Variants in PPP2CB observed in about 807,000 individuals in gnomAD.
PPP2CB encodes the protein serine/threonine-protein phosphatase 2A catalytic subunit beta isoform.
In PPP2CB, 18 loss-of-function variants were observed where a neutral mutation model predicts 39.1. The observed-to-expected ratio is 0.46, with a 90% CI of 0.32 to 0.68. The LOEUF (loss-of-function observed/expected upper bound fraction) is 0.68. Among genes scored for constraint, PPP2CB ranks in the 30% least tolerant of loss-of-function variants. The pLI is 0.04. For synonymous variants in PPP2CB, 129 were observed against 133.8 expected, an observed-to-expected ratio of 0.96 and a Z score of 0.25; for missense variants, 226 against 396.9, an observed-to-expected ratio of 0.57 and a Z score of 3.66.
At chr8:30,811,224 T>C in intron 1 of PPP2CB, among the ~76,000 whole-genome samples, 1 of 152,304 alleles carries the variant, frequency 6.6e-6, no homozygotes, top group African/African-American at 2.4e-5. Context: ...TATTATTCTT[T>C]GGAAAAAAAC....
intron 5 of PPP2CB, 23 bp downstream of exon 5, chr8:30,793,894 C>A: frequency 6.3e-7 from 1 of 1,592,844 alleles, no homozygotes; most frequent in Non-Finnish European, 8.5e-7. Context: ...AAATAAAGAT[C>A]ATTCTGTCAG....
chr8:30,795,078 G>C (rs1260901837), intron 3 of PPP2CB, among the ~76,000 whole-genome samples: 1 of 150,830 alleles, frequency 6.6e-6, no homozygotes, highest in Admixed American at 6.6e-5. Context: ...GAATCAGAGA[G>C]AATAACGTAA....
At chr8:30,801,387 C>A (rs1586125848) in intron 1 of PPP2CB, among the ~76,000 whole-genome samples, 1 of 152,028 alleles carries the variant, frequency 6.6e-6, no homozygotes, top group South Asian at 2.1e-4. Context: ...AAAAAATTAG[C>A]CCGGCATGGT....
intron 1 of PPP2CB, among the ~76,000 whole-genome samples, chr8:30,802,387 T>A (rs956993174): frequency 6.6e-6 from 1 of 152,152 alleles, no homozygotes; most frequent in African/African-American, 2.4e-5. Flanking sequence ...GGAGATTATA[T>A]ACAGAAACAT....
At chr8:30,792,489 G>A (rs564064871) in intron 5 of PPP2CB, among the ~76,000 whole-genome samples, 127 of 152,100 alleles carry the variant, frequency 8.3e-4, no homozygotes, top group Non-Finnish European at 1.3e-3. Flanking sequence ...TTTTGCCCAG[G>A]CTGGAGTGCA....
rs1806666863 is a variant in PPP2CB at position 30,803,803 on chromosome 8, GA to G, written c.103-4049del. Among the ~76,000 whole-genome samples, 3 of 143,234 alleles carry G rather than the reference GA, an allele frequency of 2.1e-5. No homozygotes were observed. In the South Asian group the frequency reaches 6.6e-4, roughly 31 times the overall value. 94.0% of individuals were successfully genotyped at this position (143,234 alleles called of 152,430 possible). On this transcript the variant is annotated intron_variant, in intron 1 of 6. Transcript: ENST00000221138. ...ACTTTTGGAGAATTTATACAACCAA[GA>G]AAAGACAAAATACAATTTTTTTTTT... is the stretch of plus-strand genomic sequence containing the variant.
At chr8:30,793,720 A>G in intron 5 of PPP2CB, 197 bp downstream of exon 5, 1 of 495,700 alleles carries the variant, frequency 2.0e-6, no homozygotes, top group Admixed American at 3.8e-5. Context: ...CTTTTTTCTA[A>G]GTCTCAATTT....
chr8:30,797,901 GC>G, intron 2 of PPP2CB, 147 bp from the exon 3 acceptor site: 2 of 757,758 alleles, frequency 2.6e-6, no homozygotes, highest in Admixed American at 3.2e-5. Context: ...TAAAAAACTT[GC>G]TTATTCATAA....
At chr8:30,795,290 T>C (rs1223949788) in intron 3 of PPP2CB, among the ~76,000 whole-genome samples, 2 of 152,172 alleles carry the variant, frequency 1.3e-5, no homozygotes, top group East Asian at 3.9e-4. Flanking sequence ...TAATTTTGTA[T>C]TTTTAGTAGA....
At chr8:30,802,863 G>A (rs1586126336) in intron 1 of PPP2CB, among the ~76,000 whole-genome samples, 1 of 152,250 alleles carries the variant, frequency 6.6e-6, no homozygotes, top group South Asian at 2.1e-4. Flanking sequence ...AAACACACAA[G>A]ACATAACCCT....
chr8:30,806,053 T>G (rs1346268417), intron 1 of PPP2CB, among the ~76,000 whole-genome samples: 1 of 150,870 alleles, frequency 6.6e-6, no homozygotes, highest in African/African-American at 2.4e-5. Flanking sequence ...ATGATTTTTT[T>G]TTTTTTTTTT....
At chr8:30,800,470 A>G (rs1263414829) in intron 1 of PPP2CB, among the ~76,000 whole-genome samples, 1 of 152,232 alleles carries the variant, frequency 6.6e-6, no homozygotes, top group Non-Finnish European at 1.5e-5. Context: ...ACACCAATTC[A>G]TAGGCCAACC....
At chr8:30,812,186 C>T (rs566309012) in intron 1 of PPP2CB, 134 bp downstream of exon 1, 57 of 503,104 alleles carry the variant, frequency 1.1e-4, no homozygotes, top group African/African-American at 9.6e-4. Context: ...AGGTGGACGC[C>T]GGAGCCGGAC....
intron 6 of PPP2CB, among the ~76,000 whole-genome samples, chr8:30,789,941 T>C (rs117692934): frequency 0.016 from 2,395 of 152,332 alleles, 35 homozygotes; most frequent in Non-Finnish European, 0.018. Flanking sequence ...TAGCTTCTGA[T>C]GGCTCTGGCA....
chr8:30,808,490 C>T (rs1480213734), intron 1 of PPP2CB, among the ~76,000 whole-genome samples: 1 of 151,940 alleles, frequency 6.6e-6, no homozygotes, highest in Non-Finnish European at 1.5e-5. Flanking sequence ...AATAGTATTT[C>T]CAATAGAATA....
Position 30,799,536 on chromosome 8 carries a change from A to G in PPP2CB, c.312+10T>C, listed in dbSNP as rs1217589826. The G allele has an allele frequency of 1.3e-6, 2 of 1,597,982 alleles. No individual in the cohort carries two copies. The highest frequency in any genetic ancestry group is 1.1e-5 in the South Asian group (1 of 89,054). On this transcript the variant is annotated intron_variant, in intron 2 of 6. Transcript: ENST00000221138. ...ATCTTGAAAAAAAAATTGAATTTCA[A>G]TAATCATACCTTTAATGCTACAAGA...
At chr8:30,801,656 A>G (rs542149288) in intron 1 of PPP2CB, among the ~76,000 whole-genome samples, 1 of 152,262 alleles carries the variant, frequency 6.6e-6, no homozygotes, top group South Asian at 2.1e-4. Flanking sequence ...CAGTGATTTG[A>G]TAATCTGAAG....
chr8:30,812,540 G>C lies in PPP2CB; in HGVS notation c.-119C>G, dbSNP rs1806859539. 3.3e-6 allele frequency: 2 copies of C among 597,126 alleles called. No individual in the cohort carries two copies. Among genetic ancestry groups the C allele is most frequent in the Non-Finnish European group, 5.0e-6 (2 of 399,532 alleles). The allele number at this position is 597,126 out of a possible 1,614,324, so 37.0% of individuals were successfully genotyped here. On this transcript the variant is annotated 5_prime_UTR_variant, in exon 1 of 7. Coordinates refer to ENST00000221138, the MANE Select transcript of PPP2CB (RefSeq NM_001009552.2). Reference sequence around the variant, plus strand: ...CCCTCTCCCTCCGCCGCCGTCGCCAGGTCCCACAGGGGGAGGACTGAGCCG... The same window carrying C: ...CCCTCTCCCTCCGCCGCCGTCGCCACGTCCCACAGGGGGAGGACTGAGCCG...
At chr8:30,805,982 C>T (rs376855590) in intron 1 of PPP2CB, among the ~76,000 whole-genome samples, 1 of 151,974 alleles carries the variant, frequency 6.6e-6, no homozygotes, top group South Asian at 2.1e-4. Context: ...TGCTTGAGCT[C>T]TCCCATTCTC....
Sources: gnomAD v4.1 joint callset for allele counts (sites outside exome capture counted in the v4.1 genomes callset) on GRCh38, gnomAD v4.1.1 for gene constraint, MANE v1.5 for transcripts, NCBI Gene and HGNC (gene_info 2026-07-23, HGNC 2026-07-21) for gene names.